ESRRG: variants seen among roughly 807,000 people sequenced by gnomAD.
ESRRG encodes the protein estrogen-related receptor gamma.
A neutral mutation model predicts 44.0 loss-of-function variants in ESRRG; 13 were observed. That is an observed-to-expected ratio of 0.30 (90% confidence interval 0.19 to 0.47). The LOEUF (loss-of-function observed/expected upper bound fraction) is 0.47, where lower values mean the gene tolerates loss of function less well. Ranked by LOEUF, ESRRG falls within the 20% of genes least tolerant of loss-of-function variation. ESRRG has a pLI of 1.00. For missense variants in ESRRG, 395 were observed against 580.6 expected, an observed-to-expected ratio of 0.68 and a Z score of 3.29; for synonymous variants, 215 against 214.6, an observed-to-expected ratio of 1.00 and a Z score of -0.02.
intron 1 of ESRRG, among the ~76,000 whole-genome samples, chr1:217,094,969 C>T (rs1049513462): frequency 1.3e-5 from 2 of 152,160 alleles, no homozygotes; most frequent in Non-Finnish European, 2.9e-5. Context: ...TTCATTATAG[C>T]TCTAGGGATC....
At chr1:217,037,859 C>T (rs927509513) in intron 1 of ESRRG, among the ~76,000 whole-genome samples, 5 of 152,100 alleles carry the variant, frequency 3.3e-5, no homozygotes, top group African/African-American at 7.2e-5. Flanking sequence ...TTGGCCAAAA[C>T]GAAGGAGCAA....
Position 216,824,482 on chromosome 1 carries a change from A to ATT in ESRRG, c.-14+115098_-14+115099dup, listed in dbSNP as rs199897227. ...ATAATAATAATAAATAGTCATTTTA[A>ATT]TTTTTTTTTTTTTTGCCTGTATTAG... On this transcript the variant is annotated intron_variant, in intron 2 of 7. Transcript: ENST00000359162. Among the ~76,000 whole-genome samples, 1,133 of 145,392 alleles carry ATT rather than the reference A, an allele frequency of 7.8e-3. 15 individuals carry two copies. Among genetic ancestry groups the ATT allele is most frequent in the African/African-American group, 0.027 (1,058 of 39,876 alleles).
chr1:216,740,974 T>TTAA (rs2090615606), intron 2 of ESRRG, among the ~76,000 whole-genome samples: 2 of 151,820 alleles, frequency 1.3e-5, no homozygotes, highest in Admixed American at 1.3e-4. Flanking sequence ...ATTTAAAGTG[T>TTAA]TAATTCTCAG....
chr1:216,617,540 G>A (rs1976331), intron 3 of ESRRG, among the ~76,000 whole-genome samples: 21,896 of 151,304 alleles, frequency 0.14, 2,123 homozygotes, highest in Middle Eastern at 0.25. Flanking sequence ...GACTTACGAT[G>A]TGAGGAAATG....
chr1:216,729,397 CAA>C (rs1449751235), intron 2 of ESRRG, among the ~76,000 whole-genome samples: 1 of 152,070 alleles, frequency 6.6e-6, no homozygotes, highest in East Asian at 1.9e-4. Flanking sequence ...AATTATTTTA[CAA>C]AATTTTAAAA....
chr1:217,018,045 T>G (rs1351029670), intron 1 of ESRRG, among the ~76,000 whole-genome samples: 1 of 152,182 alleles, frequency 6.6e-6, no homozygotes, highest in East Asian at 1.9e-4. Context: ...CAACAACAAC[T>G]TTTTCTGGAT....
At chr1:216,735,483 C>T (rs1392932372) in intron 2 of ESRRG, among the ~76,000 whole-genome samples, 2 of 152,126 alleles carry the variant, frequency 1.3e-5, no homozygotes, top group Non-Finnish European at 2.9e-5. Flanking sequence ...GCTGGGATTA[C>T]AGGCGTGAGC....
chr1:216,737,632 G>GAAGT (rs1194968648), intron 2 of ESRRG, among the ~76,000 whole-genome samples: 2 of 152,150 alleles, frequency 1.3e-5, no homozygotes, highest in African/African-American at 4.8e-5. Flanking sequence ...CCGTGTAAAG[G>GAAGT]AAGTGTATGT....
chr1:216,939,343 CAAAAAAAAAAAAAA>C (rs201260010), intron 2 of ESRRG, among the ~76,000 whole-genome samples: 2 of 50,078 alleles, frequency 4.0e-5, no homozygotes, highest in Non-Finnish European at 8.2e-5. Flanking sequence ...TACACATAGA[CAAAAAAAAAAAAAA>C]AAAAAAAAAA....
intron 5 of ESRRG, among the ~76,000 whole-genome samples, chr1:216,540,839 A>G (rs1305417249): frequency 6.6e-6 from 1 of 152,060 alleles, no homozygotes; most frequent in Non-Finnish European, 1.5e-5. Flanking sequence ...GTGCTTGATT[A>G]GTATTTTTCA....
At chr1:216,621,569 A>G (rs2062243494) in intron 3 of ESRRG, among the ~76,000 whole-genome samples, 1 of 152,216 alleles carries the variant, frequency 6.6e-6, no homozygotes, top group Non-Finnish European at 1.5e-5. Context: ...CAAGTTGTCC[A>G]TAGTCCCATT....
At chr1:216,624,627 A>G (rs2062855079) in intron 3 of ESRRG, among the ~76,000 whole-genome samples, 1 of 152,194 alleles carries the variant, frequency 6.6e-6, no homozygotes, top group South Asian at 2.1e-4. Flanking sequence ...AGTTTAGGCT[A>G]TTCGTGAGCT....
At chr1:216,961,376 T>C (rs567236813) in intron 1 of ESRRG, among the ~76,000 whole-genome samples, 1 of 151,958 alleles carries the variant, frequency 6.6e-6, no homozygotes. Flanking sequence ...TTACCAACCA[T>C]AAAAAAATGA....
At chr1:216,909,166 G>A (rs2060032663) in intron 2 of ESRRG, among the ~76,000 whole-genome samples, 1 of 152,298 alleles carries the variant, frequency 6.6e-6, no homozygotes, top group South Asian at 2.1e-4. Flanking sequence ...ACTCTAAACT[G>A]ACGGTAATAA....
chr1:216,735,987 A>AAAAAAT (rs1453476198), intron 2 of ESRRG, among the ~76,000 whole-genome samples: 29 of 137,100 alleles, frequency 2.1e-4, no homozygotes, highest in African/African-American at 3.2e-4. Flanking sequence ...CTCAAAAAAA[A>AAAAAAT]ATATATATAT....
At chr1:216,518,659 GCA>G (rs1303573689) in intron 6 of ESRRG, among the ~76,000 whole-genome samples, 1 of 152,144 alleles carries the variant, frequency 6.6e-6, no homozygotes, top group Non-Finnish European at 1.5e-5. Flanking sequence ...AACCCTTACT[GCA>G]TAGGCAGAAT....
intron 1 of ESRRG, among the ~76,000 whole-genome samples, chr1:217,110,970 G>A (rs562823324): frequency 3.3e-5 from 5 of 152,058 alleles, no homozygotes; most frequent in East Asian, 1.9e-4. Flanking sequence ...CTTTAATTTC[G>A]TACTGGTCAG....
chr1:216,802,022 T>G (rs1002059493), intron 2 of ESRRG, among the ~76,000 whole-genome samples: 6 of 152,110 alleles, frequency 3.9e-5, no homozygotes, highest in African/African-American at 1.4e-4. Context: ...TCAGTTAGTT[T>G]GCTTATTTAT....
chr1:217,112,276 C>G (rs2092669885), intron 1 of ESRRG, among the ~76,000 whole-genome samples: 1 of 152,144 alleles, frequency 6.6e-6, no homozygotes, highest in African/African-American at 2.4e-5. Flanking sequence ...AATTTGTTAT[C>G]AGAAAGGGAT....
Sources: gnomAD v4.1 joint callset for allele counts (sites outside exome capture counted in the v4.1 genomes callset) on GRCh38, gnomAD v4.1.1 for gene constraint, MANE v1.5 for transcripts, NCBI Gene and HGNC (gene_info 2026-07-23, HGNC 2026-07-21) for gene names.